AK5: variants seen among roughly 807,000 people sequenced by gnomAD.
AK5 encodes the protein adenylate kinase 5, also known as adenylate kinase isoenzyme 5.
Under a neutral mutation model 69.5 loss-of-function variants are expected in AK5, and 27 were observed. The ratio of observed to expected loss-of-function variants is 0.39; its 90% confidence interval spans 0.29 to 0.54. The LOEUF is 0.54. AK5 is among the 20% of genes least tolerant of loss of function. AK5 has a pLI of 0.71. For missense variants in AK5, 531 were observed against 700.4 expected (o/e 0.76, Z 2.73); for synonymous variants, 260 against 244.4 (o/e 1.06, Z -0.60).
intron 8 of AK5, chr1:77,420,335 G>A (rs1650724890): frequency 6.6e-6 from 1 of 152,266 alleles, no homozygotes; most frequent in African/African-American, 2.4e-5. Flanking sequence ...TAGTGTTACA[G>A]CTCTTTTAGA....
At chr1:77,380,065 A>G (rs1035540547) in intron 6 of AK5, among the ~76,000 whole-genome samples, 1 of 152,224 alleles carries the variant, frequency 6.6e-6, no homozygotes, top group African/African-American at 2.4e-5. Context: ...TGAGTAAAGA[A>G]TACTATTAAG....
intron 8 of AK5, among the ~76,000 whole-genome samples, chr1:77,454,916 T>C (rs1653379810): frequency 6.6e-6 from 1 of 152,244 alleles, no homozygotes; most frequent in East Asian, 1.9e-4. Context: ...ACAAAGATGT[T>C]GAGCAAGATA....
chr1:77,446,980 C>T (rs763129909), intron 8 of AK5, among the ~76,000 whole-genome samples: 2 of 152,188 alleles, frequency 1.3e-5, no homozygotes, highest in Non-Finnish European at 2.9e-5. Context: ...GGGTTTGCCT[C>T]CCGGCTCTGC....
At chr1:77,390,715 AAAT>A (rs1287004058) in intron 6 of AK5, among the ~76,000 whole-genome samples, 1 of 152,248 alleles carries the variant, frequency 6.6e-6, no homozygotes, top group African/African-American at 2.4e-5. Context: ...AAAAGTTCTT[AAAT>A]AATATTTTTG....
At chr1:77,354,926 G>T (rs1662411846) in intron 6 of AK5, among the ~76,000 whole-genome samples, 1 of 152,188 alleles carries the variant, frequency 6.6e-6, no homozygotes. Flanking sequence ...AAGATAAATA[G>T]TGCTGTGTAT....
At chr1:77,460,121 A>G (rs964685335) in intron 8 of AK5, among the ~76,000 whole-genome samples, 4 of 152,234 alleles carry the variant, frequency 2.6e-5, no homozygotes, top group African/African-American at 9.6e-5. Flanking sequence ...GGAGTCACTG[A>G]GGCATCAAGA....
chr1:77,429,875 G>C (rs1457941332), intron 8 of AK5, among the ~76,000 whole-genome samples: 1 of 152,120 alleles, frequency 6.6e-6, no homozygotes, highest in African/African-American at 2.4e-5. Context: ...GAAATAGCAG[G>C]ATGAAGCAGG....
At chr1:77,330,541 C>G (rs1661036237) in intron 5 of AK5, among the ~76,000 whole-genome samples, 1 of 152,202 alleles carries the variant, frequency 6.6e-6, no homozygotes, top group South Asian at 2.1e-4. Context: ...TGCCATAAAT[C>G]AGACTCCCAT....
At chr1:77,428,371 A>C (rs541685989) in intron 8 of AK5, among the ~76,000 whole-genome samples, 11 of 152,214 alleles carry the variant, frequency 7.2e-5, no homozygotes, top group Non-Finnish European at 1.5e-4. Context: ...TCAAAACCTG[A>C]AGCCACACTT....
chr1:77,392,198 A>G lies in AK5; in HGVS notation c.892-18783A>G, dbSNP rs190728597. Among the ~76,000 whole-genome samples the G allele has an allele frequency of 3.9e-3, 587 of 152,314 alleles. 1 individual carries two copies. Among genetic ancestry groups the G allele is most frequent in the South Asian group, 0.028 (137 of 4,826 alleles). ...TGCCTGTAGTTTAAAATATACTATGAGTATTATTACAAGGCATGAGATTAA... is the reference window on the plus strand; with the variant it reads ...TGCCTGTAGTTTAAAATATACTATGGGTATTATTACAAGGCATGAGATTAA... On this transcript the variant is annotated intron_variant, in intron 6 of 13. Coordinates refer to ENST00000354567, the MANE Select transcript of AK5 (RefSeq NM_174858.3).
intron 8 of AK5, among the ~76,000 whole-genome samples, chr1:77,425,898 TTTGAAAGTGGAC>T (rs1039132391): frequency 2.0e-5 from 3 of 152,216 alleles, no homozygotes; most frequent in Non-Finnish European, 4.4e-5. Flanking sequence ...TAGAGTGTTA[TTTGAAAGTGGAC>T]TTGAAATAGT....
At chr1:77,340,629 C>A (rs1661607083) in intron 6 of AK5, 61 bp downstream of exon 6, 10 of 1,482,208 alleles carry the variant, frequency 6.7e-6, no homozygotes, top group African/African-American at 1.4e-5. Flanking sequence ...TTCTCATTAG[C>A]CCATGTTCTC....
chr1:77,303,814 G>A (rs917393239), intron 5 of AK5, among the ~76,000 whole-genome samples: 12 of 152,210 alleles, frequency 7.9e-5, no homozygotes, highest in Admixed American at 7.2e-4. Context: ...ATTGGAAGGG[G>A]AAGAGAGTGC....
chr1:77,308,969 A>G (rs1214001555), intron 5 of AK5, among the ~76,000 whole-genome samples: 1 of 145,562 alleles, frequency 6.9e-6, no homozygotes, highest in African/African-American at 2.5e-5. Context: ...ACACTGTCTT[A>G]AAAAAAAAAA....
intron 5 of AK5, among the ~76,000 whole-genome samples, chr1:77,319,029 A>G (rs1660388252): frequency 6.6e-6 from 1 of 152,164 alleles, no homozygotes; most frequent in African/African-American, 2.4e-5. Context: ...AAGATAGTTC[A>G]ATACTACAGG....
intron 6 of AK5, among the ~76,000 whole-genome samples, chr1:77,404,376 G>T (rs913366288): frequency 4.6e-5 from 7 of 151,912 alleles, no homozygotes. Context: ...ACGTTTCCTT[G>T]GGGGAGTGGG....
intron 5 of AK5, among the ~76,000 whole-genome samples, chr1:77,328,439 G>T (rs1660918223): frequency 6.6e-6 from 1 of 151,956 alleles, no homozygotes; most frequent in South Asian, 2.1e-4. Context: ...GGCGGAGGTT[G>T]CAGTGAGCCG....
chr1:77,443,880 T>G (rs1652496374), intron 8 of AK5, among the ~76,000 whole-genome samples: 1 of 152,022 alleles, frequency 6.6e-6, no homozygotes, highest in Non-Finnish European at 1.5e-5. Context: ...ATAATTATTA[T>G]AGTGGAACAG....
chr1:77,290,998 C>T (rs538587629), intron 2 of AK5, among the ~76,000 whole-genome samples: 3 of 152,214 alleles, frequency 2.0e-5, no homozygotes, highest in East Asian at 1.9e-4. Flanking sequence ...GGTTCAGGGT[C>T]GGCTTCCTGG....
Sources: allele counts gnomAD v4.1 joint callset (sites outside exome capture counted in the v4.1 genomes callset), GRCh38; gene constraint gnomAD v4.1.1; transcripts MANE v1.5; gene names NCBI Gene and HGNC (gene_info 2026-07-23, HGNC 2026-07-21).